Variants in ZNF79 observed in about 807,000 individuals in gnomAD.
ZNF79 encodes ZNFpT7.
A neutral mutation model predicts 14.9 loss-of-function variants in ZNF79; 13 were observed. That is an observed-to-expected ratio of 0.87 (90% CI 0.57 to 1.38). ZNF79 has a LOEUF of 1.38. ZNF79 is among the 40% of genes most tolerant of loss of function. The probability of loss-of-function intolerance (pLI) is 0.00; values close to 1 mark genes in which losing one functional copy is unlikely to be tolerated. For missense variants in ZNF79, 631 were observed against 630.6 expected (o/e 1.00, Z -0.01); for synonymous variants, 223 against 235.1 (o/e 0.95, Z 0.47).
chr9:127,437,245 C>T (rs1460930318), intron 4 of ZNF79, among the ~76,000 whole-genome samples: 1 of 152,010 alleles, frequency 6.6e-6, no homozygotes, highest in Non-Finnish European at 1.5e-5. Context: ...TTGCATGTTA[C>T]CTCCCCCTCA....
In ZNF79 at chr9:127,435,092, A is replaced by T; in HGVS notation, c.108A>T (p.Gly36=). 6.2e-7 allele frequency: 1 copy of T among 1,607,428 alleles called. No individual in the cohort carries two copies. Among genetic ancestry groups the T allele is most frequent in the Non-Finnish European group, 8.5e-7 (1 of 1,177,276 alleles). Residue 36 remains glycine (G), a splice_region_variant and synonymous_variant, in exon 3 of 5, where the codon GGA becomes GGT. Transcript: ENST00000342483. ...ATGAAATGTGCTTGTTTTTTCAGGG[A>T]TCCACATTCTTCAGCAGTGTGACGG... The part of the protein sequence containing the change: ...AAGLLTAGPR[G]STFFSSVTVA...
In ZNF79 at chr9:127,429,002, ATTGT is replaced by A. The variant is rs1419602992; in HGVS notation, c.105+89_105+92del. Reference sequence around the variant, plus strand: ...TAGGGTTGCCTTGTTTTTTGTTGTCATTGTTTGTTTTCTTTCTTTCTTTATTTTT... The same window carrying A: ...TAGGGTTGCCTTGTTTTTTGTTGTCATTGTTTTCTTTCTTTCTTTATTTTT... On this transcript the variant is annotated intron_variant, in intron 2 of 4. Coordinates refer to ENST00000342483, the MANE Select transcript of ZNF79 (RefSeq NM_007135.3). 5.2e-6 allele frequency: 5 copies of A among 954,032 alleles called. No homozygotes were observed. The East Asian group carries it at 1.2e-4, about 22-fold the overall frequency. The allele number at this position is 954,032 out of a possible 1,614,324, so 59.1% of individuals were successfully genotyped here.
rs780854359 is a variant in ZNF79, at chr9:127,424,739, C to T, written c.-49C>T. On this transcript the variant is annotated 5_prime_UTR_variant, in exon 1 of 5. Transcript: ENST00000342483. ...GGGTGGGGGCTGCTGTAGATAGACCCTTACGCCCAGAGAACTGCTGGGAGG... is the reference window on the plus strand; with the variant it reads ...GGGTGGGGGCTGCTGTAGATAGACCTTTACGCCCAGAGAACTGCTGGGAGG... 2.1e-5 allele frequency: 34 copies of T among 1,613,118 alleles called. No homozygotes were observed. Among genetic ancestry groups the T allele is most frequent in the South Asian group, 2.1e-4 (19 of 90,976 alleles).
Position 127,445,253 on chromosome 9 carries a change from G to A in ZNF79, c.*56G>A. On this transcript the variant is annotated 3_prime_UTR_variant, in exon 5 of 5. Transcript: ENST00000342483. ...CGGACATGCCGACTCAGGACAGGTGGGTGAGGATCTGAGAAATGCTAAAGG... is the reference window on the plus strand; with the variant it reads ...CGGACATGCCGACTCAGGACAGGTGAGTGAGGATCTGAGAAATGCTAAAGG... 1 of 1,561,610 alleles carries A rather than the reference G, an allele frequency of 6.4e-7. No individual in the cohort carries two copies.
At chr9:127,439,384 A>G (rs1438395140) in intron 4 of ZNF79, among the ~76,000 whole-genome samples, 2 of 152,200 alleles carry the variant, frequency 1.3e-5, no homozygotes, top group Non-Finnish European at 2.9e-5. Flanking sequence ...ACCAATTAAC[A>G]TATATCTGAA....
Position 127,444,179 on chromosome 9 carries a change from AAC to A in ZNF79, c.481_482del (p.Gln161GlufsTer12), listed in dbSNP as rs1009267011. 6.2e-7 allele frequency: 1 copy of A among 1,614,082 alleles called. No homozygotes were observed. Among genetic ancestry groups the A allele is most frequent in the Non-Finnish European group, 8.5e-7 (1 of 1,180,042 alleles). ...AATCTGAGACCAGTCCTCTCTCCGCAACAGAGAGTGCCCGTGGAAGCGAGACC... is the reference window on the plus strand; with the variant it reads ...AATCTGAGACCAGTCCTCTCTCCGCAAGAGAGTGCCCGTGGAAGCGAGACC... On this transcript the variant is annotated frameshift_variant, in exon 5 of 5. Transcript: ENST00000342483. LOFTEE classifies it low-confidence loss of function (END_TRUNC).
intron 3 of ZNF79, among the ~76,000 whole-genome samples, chr9:127,435,537 C>T (rs930880918): frequency 6.6e-6 from 1 of 152,176 alleles, no homozygotes; most frequent in African/African-American, 2.4e-5. Flanking sequence ...CCTGGCTTGA[C>T]CCCTCCTTGA....
chr9:127,424,646 G>T lies in ZNF79; in HGVS notation c.-142G>T. On this transcript the variant is annotated 5_prime_UTR_variant, in exon 1 of 5. Coordinates refer to ENST00000342483, the MANE Select transcript of ZNF79 (RefSeq NM_007135.3). ...ACCCAGCACCGCAGGATCAGACCGT[G>T]CCTCTGCGGGGAGAGGCTGGAGAGG... 1 of 1,316,200 alleles carries T rather than the reference G, an allele frequency of 7.6e-7. No homozygotes were observed. Among genetic ancestry groups the T allele is most frequent in the Non-Finnish European group, 1.1e-6 (1 of 937,224 alleles). 81.5% of individuals were successfully genotyped at this position (1,316,200 alleles called of 1,614,324 possible).
At chr9:127,441,971 G>A (rs1482276772) in intron 4 of ZNF79, among the ~76,000 whole-genome samples, 1 of 151,746 alleles carries the variant, frequency 6.6e-6, no homozygotes, top group Non-Finnish European at 1.5e-5. Context: ...TACAAAATTA[G>A]CCGGGTGTGG....
chr9:127,442,594 A>G (rs898081697), intron 4 of ZNF79, among the ~76,000 whole-genome samples: 2 of 152,060 alleles, frequency 1.3e-5, no homozygotes, highest in Admixed American at 1.3e-4. Context: ...CTTAGGCTAC[A>G]CTAAGTTTAC....
rs1377038992 is a variant in ZNF79 at position 127,435,074 on chromosome 9, G to A, written c.106-16G>A. 2 of 1,603,772 alleles carry A rather than the reference G, an allele frequency of 1.2e-6. No homozygotes were observed. The highest frequency in any genetic ancestry group is 2.7e-5 in the African/African-American group (2 of 74,178). On this transcript the variant is annotated splice_polypyrimidine_tract_variant and intron_variant, in intron 2 of 4. Coordinates refer to ENST00000342483, the MANE Select transcript of ZNF79 (RefSeq NM_007135.3). ...CCTAAGGCCACTGGCAAGATGAAATGTGCTTGTTTTTTCAGGGATCCACAT... is the reference window on the plus strand; with the variant it reads ...CCTAAGGCCACTGGCAAGATGAAATATGCTTGTTTTTTCAGGGATCCACAT...
chr9:127,445,348 A>C lies in ZNF79; in HGVS notation c.*151A>C. 1.4e-6 allele frequency: 1 copy of C among 710,030 alleles called. No individual in the cohort carries two copies. 44.0% of individuals were successfully genotyped at this position (710,030 alleles called of 1,614,324 possible). On this transcript the variant is annotated 3_prime_UTR_variant, in exon 5 of 5. Coordinates refer to ENST00000342483, the MANE Select transcript of ZNF79 (RefSeq NM_007135.3). ...AGCCACATGCAAAACACCTTCAATA[A>C]ACAGCCACTATTTCACATGCTGTAT...
intron 1 of ZNF79, among the ~76,000 whole-genome samples, chr9:127,427,542 CTTTT>C (rs71378001): frequency 1.5e-5 from 2 of 132,578 alleles, no homozygotes. Context: ...TAACTAAATT[CTTTT>C]TTTTTTTTTT....
chr9:127,441,869 C>T (rs1431977348), intron 4 of ZNF79, among the ~76,000 whole-genome samples: 1 of 150,516 alleles, frequency 6.6e-6, no homozygotes, highest in African/African-American at 2.5e-5. Context: ...GGCATGAACC[C>T]GGGAGGCAGA....
intron 2 of ZNF79, among the ~76,000 whole-genome samples, chr9:127,431,912 G>A (rs1276788169): frequency 1.3e-5 from 2 of 151,986 alleles, no homozygotes; most frequent in Admixed American, 1.3e-4. Context: ...TTTATTTCCG[G>A]GTTCTCCTTT....
chr9:127,444,417 C>A lies in ZNF79; in HGVS notation c.717C>A (p.His239Gln), dbSNP rs779019475. ...GCCAGAGCTCATCTCTCATTCAGCA[C>A]CAGAGGATTCACACTGGAGAGAAGC... is the stretch of plus-strand genomic sequence containing the variant. ...AFSQSSSLIQ[H>Q]QRIHTGEKPY... Residue 239 changes from histidine to glutamine, a missense_variant, in exon 5 of 5, where the codon CAC becomes CAA. By Grantham distance (24) the His-to-Gln change is conservative. Transcript: ENST00000342483. 1 of 1,611,718 alleles carries A rather than the reference C, an allele frequency of 6.2e-7. No individual in the cohort carries two copies. The highest frequency in any genetic ancestry group is 2.2e-5 in the East Asian group (1 of 44,746).
At position 127,424,640 on chromosome 9, in the gene ZNF79, G is replaced by C. The variant is rs1833715924; in HGVS notation, c.-148G>C. On this transcript the variant is annotated 5_prime_UTR_variant, in exon 1 of 5. Coordinates refer to ENST00000342483, the MANE Select transcript of ZNF79 (RefSeq NM_007135.3). The stretch of plus-strand genomic sequence containing the variant: ...CCCGCGACCCAGCACCGCAGGATCA[G>C]ACCGTGCCTCTGCGGGGAGAGGCTG... The C allele has an allele frequency of 7.9e-7, 1 of 1,265,636 alleles. No individual in the cohort carries two copies. Among genetic ancestry groups the C allele is most frequent in the East Asian group, 2.5e-5 (1 of 39,924 alleles). 78.4% of individuals were successfully genotyped at this position (1,265,636 alleles called of 1,614,324 possible). A position where few individuals can be genotyped will look rare whatever the true frequency, so the allele number is the denominator to read the frequency against.
chr9:127,433,442 T>C (rs889482036), intron 2 of ZNF79, among the ~76,000 whole-genome samples: 2 of 152,234 alleles, frequency 1.3e-5, no homozygotes, highest in African/African-American at 4.8e-5. Flanking sequence ...TTGAGGTTCC[T>C]GTGGGGCCTG....
In ZNF79 at chr9:127,424,684, T is replaced by TG; in HGVS notation, c.-101dup. The TG allele has an allele frequency of 6.4e-7, 1 of 1,568,028 alleles. No individual in the cohort carries two copies. Among genetic ancestry groups the TG allele is most frequent in the Non-Finnish European group, 8.7e-7 (1 of 1,147,310 alleles). On this transcript the variant is annotated 5_prime_UTR_variant, in exon 1 of 5. Coordinates refer to ENST00000342483, the MANE Select transcript of ZNF79 (RefSeq NM_007135.3). ...GAGGCTGGAGAGGAAGAGTCCGGCCTGGGAGCCGTCAGAGCAGCCCTGCAG... is the reference window on the plus strand; with the variant it reads ...GAGGCTGGAGAGGAAGAGTCCGGCCTGGGGAGCCGTCAGAGCAGCCCTGCAG...
Sources: gnomAD v4.1 joint callset for allele counts (sites outside exome capture counted in the v4.1 genomes callset) on GRCh38, gnomAD v4.1.1 for gene constraint, MANE v1.5 for transcripts, NCBI Gene and HGNC (gene_info 2026-07-23, HGNC 2026-07-21) for gene names.